Variants in MARK2 observed in about 807,000 individuals in gnomAD.
MARK2 encodes microtubule affinity regulating kinase 2.
A neutral mutation model predicts 89.8 loss-of-function variants in MARK2; 16 were observed. The observed-to-expected ratio is 0.18, with a 90% CI of 0.12 to 0.27. The LOEUF is 0.27. Among genes scored for constraint, MARK2 ranks in the 10% least tolerant of loss-of-function variants. The pLI is 1.00. For synonymous variants in MARK2, 382 were observed against 399.5 expected (o/e 0.96, Z 0.52); for missense variants, 621 against 1,049.9 (o/e 0.59, Z 5.65).
At chr11:63,847,710 A>G (rs1291281383) in intron 1 of MARK2, among the ~76,000 whole-genome samples, 5 of 152,230 alleles carry the variant, frequency 3.3e-5, no homozygotes, top group African/African-American at 7.2e-5. Context: ...TCTCCACCCT[A>G]TGCTGAACCT....
intron 1 of MARK2, among the ~76,000 whole-genome samples, chr11:63,854,765 C>T (rs1007520665): frequency 3.0e-4 from 44 of 148,736 alleles, no homozygotes; most frequent in African/African-American, 1.0e-3. Flanking sequence ...GAGCCGAGAT[C>T]GCACCATTGC....
chr11:63,861,095 T>C (rs1214389593), intron 1 of MARK2, among the ~76,000 whole-genome samples: 1 of 152,204 alleles, frequency 6.6e-6, no homozygotes, highest in Non-Finnish European at 1.5e-5. Flanking sequence ...TTGAACTTAA[T>C]GTGCTATTTT....
intron 1 of MARK2, among the ~76,000 whole-genome samples, chr11:63,870,074 A>C (rs959138055): frequency 6.6e-6 from 1 of 152,156 alleles, no homozygotes; most frequent in Admixed American, 6.5e-5. Context: ...CATTGCCATC[A>C]CTTCAGAGGG....
intron 1 of MARK2, among the ~76,000 whole-genome samples, chr11:63,848,275 T>G (rs2016380482): frequency 6.6e-6 from 1 of 152,254 alleles, no homozygotes; most frequent in Non-Finnish European, 1.5e-5. Flanking sequence ...TTGCCCCTGT[T>G]GATACTACAG....
chr11:63,846,706 A>G (rs1040704623), intron 1 of MARK2, among the ~76,000 whole-genome samples: 2 of 147,698 alleles, frequency 1.4e-5, no homozygotes, highest in Non-Finnish European at 3.0e-5. Context: ...CCCAGGCTGG[A>G]GTGCAGTGGC....
rs1941097680 is a variant in MARK2, at chr11:63,903,834, GT to G, written c.1515-150del. ...CCACTTCTCAGCCCCGCATTCCTCA[GT>G]TCTGACTTGCATCCCGCTGCTGCCC... On this transcript the variant is annotated intron_variant, in intron 14 of 18. Coordinates refer to ENST00000402010, the MANE Select transcript of MARK2 (RefSeq NM_001039469.3). The surrounding 1 kb of genome is among the most constrained non-coding windows in gnomAD (Gnocchi z 5.1). 1 of 601,032 alleles carries G rather than the reference GT, an allele frequency of 1.7e-6. No individual in the cohort carries two copies. The highest frequency in any genetic ancestry group is 2.2e-5 in the South Asian group (1 of 44,470). 37.2% of individuals were successfully genotyped at this position (601,032 alleles called of 1,614,324 possible). A position where few individuals can be genotyped will look rare whatever the true frequency, so the allele number is the denominator to read the frequency against.
At chr11:63,864,017 G>A (rs1001498411) in intron 1 of MARK2, among the ~76,000 whole-genome samples, 1 of 151,824 alleles carries the variant, frequency 6.6e-6, no homozygotes, top group Non-Finnish European at 1.5e-5. Context: ...GCAGTGGCGC[G>A]ATCTCGGTTT....
intron 1 of MARK2, among the ~76,000 whole-genome samples, chr11:63,882,046 C>CA (rs1939120103): frequency 6.6e-6 from 1 of 152,144 alleles, no homozygotes; most frequent in African/African-American, 2.4e-5. Flanking sequence ...CCCGCTAAGA[C>CA]GGTGTCTGGA....
At chr11:63,855,531 A>G (rs112866417) in intron 1 of MARK2, among the ~76,000 whole-genome samples, 1 of 151,828 alleles carries the variant, frequency 6.6e-6, no homozygotes, top group African/African-American at 2.4e-5. Context: ...CAAAAACAAA[A>G]AAAAAAAAAA....
At chr11:63,849,473 C>G (rs2016453645) in intron 1 of MARK2, among the ~76,000 whole-genome samples, 1 of 152,116 alleles carries the variant, frequency 6.6e-6, no homozygotes, top group African/African-American at 2.4e-5. Flanking sequence ...GTTTGGTGGG[C>G]CGGGCGCGGT....
intron 1 of MARK2, chr11:63,890,440 C>T (rs1939750903): frequency 2.6e-6 from 1 of 383,728 alleles, no homozygotes. Context: ...AGCAGAACCT[C>T]CTCTCTTTCC....
intron 3 of MARK2, among the ~76,000 whole-genome samples, chr11:63,895,884 G>A (rs1241376091): frequency 6.6e-6 from 1 of 151,874 alleles, no homozygotes; most frequent in African/African-American, 2.4e-5. Flanking sequence ...TAGCCAGGCT[G>A]GTCTCGAACT....
chr11:63,849,860 A>G (rs2135206954), intron 1 of MARK2: 1 of 152,310 alleles, frequency 6.6e-6, no homozygotes, highest in South Asian at 2.1e-4. Flanking sequence ...CTCATCTGTA[A>G]AATGGGAGAA....
At chr11:63,883,066 G>T (rs919575351) in intron 1 of MARK2, among the ~76,000 whole-genome samples, 1 of 152,212 alleles carries the variant, frequency 6.6e-6, no homozygotes, top group Non-Finnish European at 1.5e-5. Context: ...TAACCCACTG[G>T]TATGGGAGGA....
At position 63,901,273 on chromosome 11, in the gene MARK2, C is replaced by T. The variant is rs181561436; in HGVS notation, c.1101+204C>T. Among the ~76,000 whole-genome samples, 48 of 152,166 alleles carry T rather than the reference C, an allele frequency of 3.2e-4. No individual in the cohort carries two copies. The East Asian group carries it at 4.1e-3, about 13-fold the overall frequency. On this transcript the variant is annotated intron_variant, in intron 11 of 18. Coordinates refer to ENST00000402010, the MANE Select transcript of MARK2 (RefSeq NM_001039469.3). ...TGAATTAATAGAAAGCTGGTAGGGT[C>T]GGTGTGGGACTGGGTCAGAGTTTCA...
intron 1 of MARK2, among the ~76,000 whole-genome samples, chr11:63,866,811 G>A (rs571660217): frequency 6.6e-6 from 1 of 152,180 alleles, no homozygotes; most frequent in African/African-American, 2.4e-5. Context: ...ACTAGATTCA[G>A]AATTGTGTCT....
intron 1 of MARK2, chr11:63,869,035 G>A (rs561220447): frequency 4.8e-5 from 17 of 353,016 alleles, no homozygotes; most frequent in Non-Finnish European, 9.0e-5. Flanking sequence ...AGAGTGAGAA[G>A]GATGACCATT....
rs773419063 is a variant in MARK2, at chr11:63,909,281, G to C, written c.*44G>C. 2.5e-5 allele frequency: 38 copies of C among 1,514,814 alleles called. No individual in the cohort carries two copies. The highest frequency in any genetic ancestry group is 2.1e-4 in the Middle Eastern group (1 of 4,856). 93.8% of individuals were successfully genotyped at this position (1,514,814 alleles called of 1,614,324 possible). A position where few individuals can be genotyped will look rare whatever the true frequency, so the allele number is the denominator to read the frequency against. On this transcript the variant is annotated 3_prime_UTR_variant, in exon 19 of 19. Coordinates refer to ENST00000402010, the MANE Select transcript of MARK2 (RefSeq NM_001039469.3). ...GGCGGCGGGGGCGGGCCAGCTGGAC[G>C]GGCTGCCGGCCGCTGCGCCGCCCCA...
chr11:63,864,143 A>G (rs977930380), intron 1 of MARK2, among the ~76,000 whole-genome samples: 6 of 151,438 alleles, frequency 4.0e-5, no homozygotes, highest in African/African-American at 1.5e-4. Flanking sequence ...TTTAGTAGAG[A>G]CAGGGTTTCA....
Sources: gnomAD v4.1 joint callset for allele counts (sites outside exome capture counted in the v4.1 genomes callset) on GRCh38, gnomAD v4.1.1 for gene constraint, Gnocchi (gnomAD v3.1) non-coding constraint, MANE v1.5 for transcripts, NCBI Gene and HGNC (gene_info 2026-07-23, HGNC 2026-07-21) for gene names.